The following PTPRT variants were observed in gnomAD, a reference collection of about 807,000 sequenced individuals.
PTPRT encodes the protein receptor-type tyrosine-protein phosphatase T.
In PTPRT, 56 loss-of-function variants were observed where a neutral mutation model predicts 176.8. The observed-to-expected ratio is 0.32, with a 90% CI of 0.26 to 0.40. The LOEUF (loss-of-function observed/expected upper bound fraction) is 0.40. Ranked by LOEUF, PTPRT falls within the 10% of genes least tolerant of loss-of-function variation. PTPRT has a pLI of 1.00. For missense variants in PTPRT, 1,540 were observed against 1,908.2 expected, an observed-to-expected ratio of 0.81 and a Z score of 3.60; for synonymous variants, 783 against 739.0, an observed-to-expected ratio of 1.06 and a Z score of -0.96.
intron 1 of PTPRT, among the ~76,000 whole-genome samples, chr20:42,915,897 G>A (rs530047867): frequency 9.2e-5 from 14 of 151,516 alleles, no homozygotes; most frequent in East Asian, 3.9e-4. Context: ...CACCATGCCC[G>A]GCCCGCTATT....
chr20:43,046,511 G>C (rs1729385190), intron 1 of PTPRT, among the ~76,000 whole-genome samples: 1 of 151,256 alleles, frequency 6.6e-6, no homozygotes, highest in Non-Finnish European at 1.5e-5. Flanking sequence ...GGAGCTTGCA[G>C]TGAGCCTGGG....
chr20:42,535,447 C>A (rs1446247190), intron 7 of PTPRT, among the ~76,000 whole-genome samples: 2 of 152,136 alleles, frequency 1.3e-5, no homozygotes, highest in Admixed American at 6.5e-5. Flanking sequence ...TATAGCACAC[C>A]TTCCCATCTA....
intron 2 of PTPRT, among the ~76,000 whole-genome samples, chr20:42,832,068 A>G (rs1390168668): frequency 1.3e-5 from 2 of 152,354 alleles, no homozygotes; most frequent in African/African-American, 4.8e-5. Flanking sequence ...CCATAAAGAC[A>G]CATGCACATG....
At chr20:43,078,436 CT>C (rs1335007329) in intron 1 of PTPRT, among the ~76,000 whole-genome samples, 1 of 152,100 alleles carries the variant, frequency 6.6e-6, no homozygotes, top group Non-Finnish European at 1.5e-5. Flanking sequence ...TTTTTTTTCT[CT>C]AATATTTCTC....
intron 11 of PTPRT, among the ~76,000 whole-genome samples, chr20:42,326,067 T>G (rs1010555444): frequency 6.6e-6 from 1 of 152,214 alleles, no homozygotes; most frequent in Non-Finnish European, 1.5e-5. Flanking sequence ...CCAATTACAC[T>G]TTCCCTCTTA....
intron 6 of PTPRT, among the ~76,000 whole-genome samples, chr20:42,733,236 T>A (rs1434256263): frequency 6.6e-6 from 1 of 152,082 alleles, no homozygotes; most frequent in African/African-American, 2.4e-5. Context: ...GCCAGGAGGG[T>A]GGCCAAGATC....
At chr20:42,983,843 A>G (rs553399208) in intron 1 of PTPRT, among the ~76,000 whole-genome samples, 1 of 152,286 alleles carries the variant, frequency 6.6e-6, no homozygotes, top group East Asian at 1.9e-4. Flanking sequence ...CCTGTTTAAC[A>G]TAGGTTGTAT....
At position 42,806,003 on chromosome 20, in the gene PTPRT, ATT is replaced by A. The variant is rs3092354; in HGVS notation, c.215-14539_215-14538del. Among the ~76,000 whole-genome samples the A allele has an allele frequency of 2.7e-4, 38 of 140,460 alleles. 1 individual carries two copies. The highest frequency in any genetic ancestry group is 5.1e-4 in the African/African-American group (19 of 37,604). The allele number at this position is 140,460 out of a possible 152,430, so 92.1% of individuals were successfully genotyped here. On this transcript the variant is annotated intron_variant, in intron 2 of 30. Coordinates refer to ENST00000373187, the MANE Select transcript of PTPRT (RefSeq NM_007050.6). Reference sequence around the variant, plus strand: ...CACCCTAATTCCTAATATAGGGAAGATTTTTTTTTTTTTTTTTAATCTTACAG... The same window carrying A: ...CACCCTAATTCCTAATATAGGGAAGATTTTTTTTTTTTTTTAATCTTACAG...
chr20:42,863,251 A>G (rs191856615), intron 2 of PTPRT, among the ~76,000 whole-genome samples: 2 of 152,338 alleles, frequency 1.3e-5, no homozygotes, highest in East Asian at 3.9e-4. Flanking sequence ...TGATCTTAAA[A>G]TTTTGTAAAT....
At chr20:42,969,848 T>C (rs562551692) in intron 1 of PTPRT, among the ~76,000 whole-genome samples, 26 of 152,330 alleles carry the variant, frequency 1.7e-4, no homozygotes, top group Admixed American at 9.8e-4. Flanking sequence ...ATATGGTACA[T>C]TTACTATATT....
the PTPRT span, among the ~76,000 whole-genome samples, chr20:42,054,266 T>C: frequency 6.6e-6 from 1 of 152,282 alleles, no homozygotes; most frequent in Middle Eastern, 3.4e-3. Context: ...CTCCACTCAC[T>C]GGGGTGAGGG....
chr20:42,720,115 C>T (rs1453957601), intron 6 of PTPRT, among the ~76,000 whole-genome samples: 1 of 152,156 alleles, frequency 6.6e-6, no homozygotes. Flanking sequence ...GGGTGATTTA[C>T]AGGGAAAAAA....
chr20:42,620,429 C>CAG (rs1190736644), intron 7 of PTPRT, among the ~76,000 whole-genome samples: 1 of 149,762 alleles, frequency 6.7e-6, no homozygotes, highest in Admixed American at 6.6e-5. Context: ...GTGGAGCCTA[C>CAG]AGAGGCAGGC....
intron 1 of PTPRT, among the ~76,000 whole-genome samples, chr20:43,083,342 ATATATATATATATATATATATATATAT>A (rs2011503434): frequency 8.4e-6 from 1 of 119,332 alleles, no homozygotes; most frequent in African/African-American, 3.1e-5. Flanking sequence ...ATATATATAT[ATATATATATATATATATATATATATAT>A]ACATTTTTTG....
chr20:42,358,667 C>A (rs1012328955), intron 9 of PTPRT, among the ~76,000 whole-genome samples: 8 of 152,174 alleles, frequency 5.3e-5, no homozygotes, highest in Admixed American at 4.6e-4. Flanking sequence ...AACTGCTTGC[C>A]TAAGGGATGC....
At chr20:42,480,688 G>C (rs1356587284) in intron 7 of PTPRT, among the ~76,000 whole-genome samples, 1 of 152,142 alleles carries the variant, frequency 6.6e-6, no homozygotes, top group African/African-American at 2.4e-5. Flanking sequence ...AATAGATACA[G>C]TACAGCATTG....
intron 1 of PTPRT, among the ~76,000 whole-genome samples, chr20:43,087,026 C>CA (rs1470683294): frequency 6.6e-6 from 1 of 152,234 alleles, no homozygotes; most frequent in African/African-American, 2.4e-5. Context: ...ATGTTCCCAT[C>CA]ACTTTCTTAA....
intron 7 of PTPRT, among the ~76,000 whole-genome samples, chr20:42,613,492 T>C (rs2074009419): frequency 6.6e-6 from 1 of 152,248 alleles, no homozygotes; most frequent in Admixed American, 6.5e-5. Context: ...CCTCTGAGAA[T>C]ATATAAGATC....
At chr20:42,745,445 C>T (rs758791054) in intron 6 of PTPRT, among the ~76,000 whole-genome samples, 9 of 152,164 alleles carry the variant, frequency 5.9e-5, no homozygotes, top group Admixed American at 2.0e-4. Context: ...TTAACAGCAT[C>T]TCTGGGCTCC....
Sources: gnomAD v4.1 joint callset for allele counts (sites outside exome capture counted in the v4.1 genomes callset) on GRCh38, gnomAD v4.1.1 for gene constraint, MANE v1.5 for transcripts, NCBI Gene and HGNC (gene_info 2026-07-23, HGNC 2026-07-21) for gene names.